The following DHRSX variants were observed in gnomAD, a reference collection of about 807,000 sequenced individuals.
DHRSX encodes the protein dehydrogenase/reductase X-linked.
In DHRSX, 31 loss-of-function variants were observed where a neutral mutation model predicts 34.0. The ratio of observed to expected loss-of-function variants is 0.91; its 90% CI spans 0.69 to 1.23. The LOEUF is 1.23. Ranked by LOEUF, DHRSX falls within the 50% of genes most tolerant of loss-of-function variation. The pLI is 0.00. For synonymous variants in DHRSX, 201 were observed against 183.8 expected (o/e 1.09, Z -0.76); for missense variants, 414 against 428.1 (o/e 0.97, Z 0.29).
intron 3 of DHRSX, among the ~76,000 whole-genome samples, chrX:2,353,450 C>T (rs1199938949): frequency 6.6e-6 from 1 of 152,126 alleles, no homozygotes. Context: ...CCCAAGGTTC[C>T]ATTTGCTACA....
chrX:2,305,765 T>C (rs1379641444), intron 3 of DHRSX, among the ~76,000 whole-genome samples: 1 of 144,658 alleles, frequency 6.9e-6, no homozygotes, highest in Non-Finnish European at 1.5e-5. Context: ...CCACATGTTC[T>C]CACTCTTAAG....
intron 1 of DHRSX, among the ~76,000 whole-genome samples, chrX:2,495,273 CATT>C (rs1478422405): frequency 2.6e-5 from 4 of 151,384 alleles, no homozygotes; most frequent in African/African-American, 9.7e-5. Context: ...TATATTTTAT[CATT>C]ATTATCATTA....
chrX:2,362,935 G>A (rs180899730), intron 3 of DHRSX, among the ~76,000 whole-genome samples: 13,418 of 91,644 alleles, frequency 0.15, 1,656 homozygotes, highest in Middle Eastern at 0.21. Context: ...TTTTATCACC[G>A]TTCTATGGTA....
intron 3 of DHRSX, among the ~76,000 whole-genome samples, chrX:2,367,417 G>GAT (rs1355663272): frequency 7.0e-6 from 1 of 142,044 alleles, no homozygotes; most frequent in African/African-American, 2.6e-5. Context: ...CAGCCTGGGA[G>GAT]ATAGAGCAAG....
chrX:2,360,853 C>T (rs1353769669), intron 3 of DHRSX, among the ~76,000 whole-genome samples: 3 of 151,894 alleles, frequency 2.0e-5, no homozygotes, highest in Non-Finnish European at 4.4e-5. Flanking sequence ...TCTCTGCCAA[C>T]GTTAGATATG....
At chrX:2,243,355 G>A (rs1260076052) in intron 5 of DHRSX, 125 bp from the exon 6 acceptor site, 2 of 735,892 alleles carry the variant, frequency 2.7e-6, no homozygotes, top group Non-Finnish European at 2.2e-6. Context: ...CTAGACCCAT[G>A]TGTGATCATG....
At chrX:2,401,108 CTTTTTTTT>C in intron 3 of DHRSX, among the ~76,000 whole-genome samples, 1 of 128,510 alleles carries the variant, frequency 7.8e-6, no homozygotes. Context: ...ATTTGGGAAG[CTTTTTTTT>C]TTTTTTTTTT....
intron 5 of DHRSX, among the ~76,000 whole-genome samples, chrX:2,261,965 T>C (rs2041369313): frequency 6.6e-6 from 1 of 152,178 alleles, no homozygotes; most frequent in Non-Finnish European, 1.5e-5. Flanking sequence ...ATGCCTTGCC[T>C]TGCTCAGTGA....
intron 3 of DHRSX, among the ~76,000 whole-genome samples, chrX:2,374,726 C>T (rs773074325): frequency 6.6e-5 from 9 of 135,594 alleles, no homozygotes; most frequent in Admixed American, 3.0e-4. Flanking sequence ...GTGACAACAG[C>T]GAGACTCCAT....
intron 1 of DHRSX, among the ~76,000 whole-genome samples, chrX:2,451,196 G>C (rs1327229789): frequency 6.6e-6 from 1 of 150,828 alleles, no homozygotes; most frequent in African/African-American, 2.4e-5. Context: ...TCACAGCACT[G>C]CACTCCAGCC....
At position 2,419,995 on chromosome X, in the gene DHRSX, A is replaced by G. The variant is rs553362237; in HGVS notation, c.217+5202T>C. Among the ~76,000 whole-genome samples, 16 of 152,296 alleles carry G rather than the reference A, an allele frequency of 1.1e-4. 1 individual carries two copies. The highest frequency in any genetic ancestry group is 4.1e-4 in the South Asian group (2 of 4,830). On this transcript the variant is annotated intron_variant, in intron 2 of 6. Coordinates refer to ENST00000334651, the MANE Select transcript of DHRSX (RefSeq NM_145177.3). ...ATAAAATTTTAAAAAAAAAGTTTCT[A>G]TGGTTTGCAAGGCACTCAGGCTACA...
intron 4 of DHRSX, among the ~76,000 whole-genome samples, chrX:2,288,954 C>T (rs1203638539): frequency 6.6e-6 from 1 of 152,084 alleles, no homozygotes; most frequent in Non-Finnish European, 1.5e-5. Flanking sequence ...AAAAGGTAAA[C>T]GTGGTGGTTG....
intron 3 of DHRSX, among the ~76,000 whole-genome samples, chrX:2,312,607 G>A (rs1459967604): frequency 6.6e-6 from 1 of 151,962 alleles, no homozygotes; most frequent in African/African-American, 2.4e-5. Flanking sequence ...AGAGCATTAG[G>A]ACAAATACCT....
intron 4 of DHRSX, among the ~76,000 whole-genome samples, chrX:2,268,548 C>A (rs929943510): frequency 6.6e-6 from 1 of 152,198 alleles, no homozygotes; most frequent in Admixed American, 6.5e-5. Flanking sequence ...TATATGTTAG[C>A]ATGTACATAT....
chrX:2,304,921 C>A (rs1426719065), intron 3 of DHRSX, among the ~76,000 whole-genome samples: 1 of 151,942 alleles, frequency 6.6e-6, no homozygotes, highest in African/African-American at 2.4e-5. Context: ...TTCATTGCAG[C>A]ACTATTCACA....
chrX:2,493,708 G>A (rs2045215820), intron 1 of DHRSX, among the ~76,000 whole-genome samples: 1 of 152,068 alleles, frequency 6.6e-6, no homozygotes, highest in African/African-American at 2.4e-5. Flanking sequence ...AGCGGCTCAC[G>A]CCTGTACTCT....
intron 1 of DHRSX, among the ~76,000 whole-genome samples, chrX:2,467,922 C>T (rs1012261701): frequency 2.7e-5 from 4 of 150,418 alleles, no homozygotes; most frequent in African/African-American, 9.8e-5. Flanking sequence ...GAGATCACAC[C>T]ACTGCACTCC....
chrX:2,349,906 G>T (rs2042768074), intron 3 of DHRSX, among the ~76,000 whole-genome samples: 1 of 149,610 alleles, frequency 6.7e-6, no homozygotes, highest in Non-Finnish European at 1.5e-5. Flanking sequence ...AGGCGTGGTG[G>T]CAGGCGCCTG....
intron 1 of DHRSX, among the ~76,000 whole-genome samples, chrX:2,444,787 A>C (rs1232175617): frequency 6.6e-6 from 1 of 151,952 alleles, no homozygotes; most frequent in South Asian, 2.1e-4. Flanking sequence ...GTGAGCCATG[A>C]TCATGCCACT....
Sources: allele counts gnomAD v4.1 joint callset (sites outside exome capture counted in the v4.1 genomes callset), GRCh38; gene constraint gnomAD v4.1.1; transcripts MANE v1.5; gene names NCBI Gene and HGNC (gene_info 2026-07-23, HGNC 2026-07-21).